LRBA: variants seen among roughly 807,000 people sequenced by gnomAD.
The protein encoded by LRBA is LPS responsive beige-like anchor protein.
Under a neutral mutation model 330.0 loss-of-function variants are expected in LRBA, and 176 were observed. The ratio of observed to expected loss-of-function variants is 0.53; its 90% CI spans 0.47 to 0.60. LRBA has a LOEUF of 0.60. Among genes scored for constraint, LRBA ranks in the 20% least tolerant of loss-of-function variants. The probability of loss-of-function intolerance (pLI) is 0.00; values close to 1 mark genes in which losing one functional copy is unlikely to be tolerated. For synonymous variants in LRBA, 1,230 were observed against 1,193.0 expected (o/e 1.03, Z -0.64); for missense variants, 3,259 against 3,444.8 (o/e 0.95, Z 1.35).
chr4:150,941,388 T>C (rs963909719), intron 2 of LRBA, among the ~76,000 whole-genome samples: 8 of 152,018 alleles, frequency 5.3e-5, no homozygotes, highest in Non-Finnish European at 1.2e-4. Flanking sequence ...CCTGACCTTG[T>C]GATCCACCCA....
intron 47 of LRBA, among the ~76,000 whole-genome samples, chr4:150,362,721 C>T (rs138746599): frequency 7.9e-5 from 12 of 152,312 alleles, no homozygotes; most frequent in East Asian, 1.9e-4. Flanking sequence ...AAAGATTTAT[C>T]GTACAATCTG....
At chr4:150,525,010 T>C (rs937294117) in intron 40 of LRBA, among the ~76,000 whole-genome samples, 1 of 152,160 alleles carries the variant, frequency 6.6e-6, no homozygotes, top group Non-Finnish European at 1.5e-5. Context: ...ATCTTGATAT[T>C]TGTTTGGAAA....
At chr4:150,908,532 G>T in intron 10 of LRBA, 65 bp from the exon 11 acceptor site, 1 of 1,500,920 alleles carries the variant, frequency 6.7e-7, no homozygotes, top group Non-Finnish European at 9.0e-7. Flanking sequence ...TAAAAATAAG[G>T]CACAACAATA....
chr4:150,624,282 A>G (rs868334176), intron 37 of LRBA, among the ~76,000 whole-genome samples: 1 of 144,262 alleles, frequency 6.9e-6, no homozygotes, highest in Admixed American at 7.2e-5. Context: ...TTTCCTCTGT[A>G]TAACAATGCC....
chr4:150,909,013 T>TA (rs1731659974), intron 9 of LRBA, among the ~76,000 whole-genome samples, 156 bp from the exon 10 acceptor site: 2 of 152,210 alleles, frequency 1.3e-5, no homozygotes, highest in Admixed American at 1.3e-4. Context: ...TTGGCTGAAT[T>TA]TAAAGATATA....
intron 37 of LRBA, among the ~76,000 whole-genome samples, chr4:150,632,036 G>A (rs777689241): frequency 1.6e-4 from 25 of 152,116 alleles, no homozygotes; most frequent in Admixed American, 4.6e-4. Flanking sequence ...TGTGAAACCA[G>A]CCTGGCCAAC....
intron 2 of LRBA, among the ~76,000 whole-genome samples, chr4:150,978,989 C>T (rs1353358449): frequency 6.6e-6 from 1 of 152,062 alleles, no homozygotes; most frequent in African/African-American, 2.4e-5. Flanking sequence ...GGGATAATAA[C>T]AGAGAACTTT....
chr4:150,368,803 C>T (rs934284921), intron 47 of LRBA, among the ~76,000 whole-genome samples: 7 of 152,196 alleles, frequency 4.6e-5, no homozygotes, highest in Non-Finnish European at 8.8e-5. Context: ...CTTCTGTACA[C>T]ATCTAAAGAC....
intron 44 of LRBA, among the ~76,000 whole-genome samples, chr4:150,454,662 G>A (rs1753817670): frequency 6.6e-6 from 1 of 152,068 alleles, no homozygotes; most frequent in African/African-American, 2.4e-5. Context: ...TAGTAGTGAA[G>A]TCTGGGCTTT....
At chr4:150,654,555 T>A (rs1157869440) in intron 37 of LRBA, among the ~76,000 whole-genome samples, 2 of 152,202 alleles carry the variant, frequency 1.3e-5, no homozygotes, top group African/African-American at 4.8e-5. Flanking sequence ...TCATTTTTTT[T>A]ATTATACTTT....
intron 23 of LRBA, 109 bp from the exon 24 acceptor site, chr4:150,851,011 G>T: frequency 1.4e-6 from 1 of 691,432 alleles, no homozygotes; most frequent in South Asian, 2.3e-5. Context: ...ACGTTTTTAA[G>T]ACACTATAAG....
intron 44 of LRBA, among the ~76,000 whole-genome samples, chr4:150,441,727 T>C (rs755584400): frequency 6.6e-6 from 1 of 152,098 alleles, no homozygotes; most frequent in Non-Finnish European, 1.5e-5. Context: ...GAAATCAACA[T>C]AAATTTAGAA....
intron 53 of LRBA, among the ~76,000 whole-genome samples, chr4:150,301,181 G>A (rs759693329): frequency 2.0e-5 from 3 of 152,038 alleles, no homozygotes; most frequent in Non-Finnish European, 4.4e-5. Flanking sequence ...CAGACAGGAA[G>A]AAGGACCAGA....
intron 40 of LRBA, among the ~76,000 whole-genome samples, chr4:150,521,815 T>C (rs1158276313): frequency 6.6e-6 from 1 of 152,206 alleles, no homozygotes; most frequent in Non-Finnish European, 1.5e-5. Flanking sequence ...TGAGGAATTC[T>C]GGAGTTAAAG....
Position 150,534,184 on chromosome 4 carries a change from T to C in LRBA, c.6331-43149A>G, listed in dbSNP as rs116839686. On this transcript the variant is annotated intron_variant, in intron 40 of 56. Transcript: ENST00000651943. ...ATAATATATAATAATTACAATGTTA[T>C]ATTTTATAAGATCATTTAGTCAAGG... Among the ~76,000 whole-genome samples the C allele has an allele frequency of 1.2e-3, 189 of 151,636 alleles. 4 individuals are homozygous for C. Among genetic ancestry groups the C allele is most frequent in the African/African-American group, 4.5e-3 (185 of 41,440 alleles).
chr4:150,436,942 C>T, intron 44 of LRBA, 78 bp from the exon 45 acceptor site: 4 of 1,285,892 alleles, frequency 3.1e-6, no homozygotes, highest in Non-Finnish European at 2.2e-6. Flanking sequence ...TGATGATATC[C>T]TACTGGTAAG....
At chr4:150,641,029 T>C (rs1778626422) in intron 37 of LRBA, among the ~76,000 whole-genome samples, 1 of 152,132 alleles carries the variant, frequency 6.6e-6, no homozygotes, top group South Asian at 2.1e-4. Context: ...CATCACCTAC[T>C]CCCTATTCTA....
At chr4:150,419,270 A>G (rs1748237891) in intron 46 of LRBA, among the ~76,000 whole-genome samples, 1 of 152,178 alleles carries the variant, frequency 6.6e-6, no homozygotes, top group Admixed American at 6.5e-5. Context: ...CCTTGGCACC[A>G]TGGTTTTTGG....
At chr4:150,908,237 T>C (rs908384975) in intron 11 of LRBA, 97 bp downstream of exon 11, 3 of 1,208,660 alleles carry the variant, frequency 2.5e-6, no homozygotes, top group African/African-American at 3.1e-5. Flanking sequence ...TTAAATTATT[T>C]TGACACAACA....
Sources: allele counts gnomAD v4.1 joint callset (sites outside exome capture counted in the v4.1 genomes callset), GRCh38; gene constraint gnomAD v4.1.1; transcripts MANE v1.5; gene names NCBI Gene and HGNC (gene_info 2026-07-23, HGNC 2026-07-21).